The following SGCZ variants were observed in gnomAD, a reference collection of about 807,000 sequenced individuals.
SGCZ encodes the protein sarcoglycan zeta, also known as zeta-sarcoglycan.
Under a neutral mutation model 41.3 loss-of-function variants are expected in SGCZ, and 40 were observed. That is an observed-to-expected ratio of 0.97 (90% confidence interval 0.75 to 1.26). SGCZ has a LOEUF of 1.26. Ranked by LOEUF, SGCZ falls within the 50% of genes most tolerant of loss-of-function variation. SGCZ has a pLI of 0.00. For synonymous variants in SGCZ, 206 were observed against 137.5 expected (o/e 1.50, Z -3.49); for missense variants, 552 against 369.8 (o/e 1.49, Z -4.04).
chr8:14,189,370 AAC>A (rs1474172253), intron 4 of SGCZ, among the ~76,000 whole-genome samples: 1 of 152,168 alleles, frequency 6.6e-6, no homozygotes, highest in East Asian at 1.9e-4. Flanking sequence ...TATTACTCAG[AAC>A]ACATTCTCCC....
intron 1 of SGCZ, among the ~76,000 whole-genome samples, chr8:15,054,504 C>T (rs1804631884): frequency 6.6e-6 from 1 of 152,188 alleles, no homozygotes; most frequent in South Asian, 2.1e-4. Flanking sequence ...CTTGGGAAGA[C>T]AACCTGCCTA....
intron 1 of SGCZ, among the ~76,000 whole-genome samples, chr8:14,828,954 C>T (rs888205019): frequency 5.3e-5 from 8 of 151,186 alleles, no homozygotes; most frequent in African/African-American, 2.0e-4. Context: ...CTTTGGAGTC[C>T]TTTTTTTTGT....
At chr8:14,130,813 G>C (rs1803018289) in intron 5 of SGCZ, among the ~76,000 whole-genome samples, 2 of 152,176 alleles carry the variant, frequency 1.3e-5, no homozygotes, top group Non-Finnish European at 2.9e-5. Flanking sequence ...TTTTCATAGA[G>C]GCTCTAGCTT....
intron 1 of SGCZ, among the ~76,000 whole-genome samples, chr8:15,226,294 A>G (rs1471090369): frequency 6.6e-6 from 1 of 152,216 alleles, no homozygotes; most frequent in Non-Finnish European, 1.5e-5. Context: ...ATTTTTGACT[A>G]TAAGAAATCT....
At chr8:14,256,317 C>T (rs1463846096) in intron 3 of SGCZ, among the ~76,000 whole-genome samples, 2 of 151,988 alleles carry the variant, frequency 1.3e-5, no homozygotes, top group African/African-American at 2.4e-5. Context: ...GTCATTGGCT[C>T]TATATTCTTA....
intron 3 of SGCZ, among the ~76,000 whole-genome samples, chr8:14,293,357 C>G (rs1800904650): frequency 6.6e-6 from 1 of 151,868 alleles, no homozygotes; most frequent in Non-Finnish European, 1.5e-5. Context: ...AATAGAATTC[C>G]AGAGAAGAGA....
chr8:14,959,375 A>C (rs769244130), intron 1 of SGCZ, among the ~76,000 whole-genome samples: 1 of 152,080 alleles, frequency 6.6e-6, no homozygotes, highest in Non-Finnish European at 1.5e-5. Flanking sequence ...GCAGGAGTGA[A>C]AGTTTCAAAT....
At chr8:14,314,364 T>G (rs1437099148) in intron 3 of SGCZ, among the ~76,000 whole-genome samples, 1 of 152,100 alleles carries the variant, frequency 6.6e-6, no homozygotes, top group Middle Eastern at 3.2e-3. Context: ...AGTCCAGCAT[T>G]CAACCAATAT....
chr8:14,416,718 G>C (rs1015742601), intron 2 of SGCZ, among the ~76,000 whole-genome samples: 1 of 151,870 alleles, frequency 6.6e-6, no homozygotes. Context: ...GGAAACGTGT[G>C]GCAGCAAATC....
At chr8:14,514,803 GTGTGTGTGTGTA>G (rs200379465) in intron 2 of SGCZ, among the ~76,000 whole-genome samples, 22,141 of 107,916 alleles carry the variant, frequency 0.21, 1,967 homozygotes, top group Admixed American at 0.26. Flanking sequence ...GTGTGTGTGT[GTGTGTGTGTGTA>G]TATATACACG....
chr8:14,435,126 T>C (rs542906887), intron 2 of SGCZ, among the ~76,000 whole-genome samples: 112 of 152,328 alleles, frequency 7.4e-4, no homozygotes, highest in African/African-American at 2.6e-3. Flanking sequence ...CGTGATATTT[T>C]GTGACAAAGT....
At chr8:14,483,681 A>G in intron 2 of SGCZ, among the ~76,000 whole-genome samples, 1 of 152,222 alleles carries the variant, frequency 6.6e-6, no homozygotes, top group East Asian at 1.9e-4. Flanking sequence ...TACTATGTGA[A>G]TGATCACATT....
intron 1 of SGCZ, among the ~76,000 whole-genome samples, chr8:15,223,118 T>C (rs994057337): frequency 3.3e-5 from 5 of 152,190 alleles, no homozygotes; most frequent in African/African-American, 1.2e-4. Context: ...GCATACCTTA[T>C]GATGCCTAAG....
intron 2 of SGCZ, among the ~76,000 whole-genome samples, chr8:14,434,214 T>C (rs1385409554): frequency 2.6e-5 from 4 of 152,354 alleles, no homozygotes; most frequent in Non-Finnish European, 5.9e-5. Context: ...GCACCATTTG[T>C]TGAATAGGGT....
chr8:14,604,059 T>C (rs960791528), intron 1 of SGCZ, among the ~76,000 whole-genome samples: 4 of 152,148 alleles, frequency 2.6e-5, no homozygotes, highest in Admixed American at 6.6e-5. Flanking sequence ...ATATTTTTTG[T>C]TCCCCGAGAA....
rs976415551 is a variant in SGCZ at position 14,322,085 on chromosome 8, A to G, written c.336+2018T>C. ...AAATATTTATCCAACTTTTAGGTTC[A>G]TAAAATAGTTCAGCCACTGTGGAAG... On this transcript the variant is annotated intron_variant, in intron 3 of 7. Coordinates refer to ENST00000382080, the MANE Select transcript of SGCZ (RefSeq NM_139167.4). 9.9e-5 allele frequency among the ~76,000 whole-genome samples: 15 copies of G among 152,256 alleles called. No individual in the cohort carries two copies. The South Asian group carries it at 1.2e-3, about 13-fold the overall frequency.
At chr8:14,654,674 C>T (rs141639484) in intron 1 of SGCZ, among the ~76,000 whole-genome samples, 3 of 151,968 alleles carry the variant, frequency 2.0e-5, no homozygotes, top group Non-Finnish European at 4.4e-5. Flanking sequence ...CGAGTTCAAG[C>T]GATTCTCCTG....
intron 4 of SGCZ, among the ~76,000 whole-genome samples, chr8:14,231,305 T>C (rs567457406): frequency 2.0e-5 from 3 of 151,346 alleles, no homozygotes; most frequent in African/African-American, 4.9e-5. Flanking sequence ...GTCTTGAATG[T>C]TGGAGGTGGG....
chr8:14,997,417 G>T (rs1802257006), intron 1 of SGCZ, among the ~76,000 whole-genome samples: 1 of 152,086 alleles, frequency 6.6e-6, no homozygotes, highest in African/African-American at 2.4e-5. Flanking sequence ...ACATCTCTGT[G>T]AACAAACATC....
Sources: gnomAD v4.1 joint callset for allele counts (sites outside exome capture counted in the v4.1 genomes callset) on GRCh38, gnomAD v4.1.1 for gene constraint, MANE v1.5 for transcripts, NCBI Gene and HGNC (gene_info 2026-07-23, HGNC 2026-07-21) for gene names.